The following ADCY2 variants were observed in gnomAD, a reference collection of about 807,000 sequenced individuals.
ADCY2 encodes adenylate cyclase type 2.
Under a neutral mutation model 125.2 loss-of-function variants are expected in ADCY2, and 31 were observed. The observed-to-expected ratio is 0.25, with a 90% CI of 0.19 to 0.33. The LOEUF (loss-of-function observed/expected upper bound fraction) is 0.33. Ranked by LOEUF, ADCY2 falls within the 10% of genes least tolerant of loss-of-function variation. The pLI is 1.00. For missense variants in ADCY2, 904 were observed against 1,418.2 expected (o/e 0.64, Z 5.82); for synonymous variants, 512 against 548.4 (o/e 0.93, Z 0.93).
At chr5:7,469,328 A>G (rs1173379906) in intron 2 of ADCY2, among the ~76,000 whole-genome samples, 1 of 151,972 alleles carries the variant, frequency 6.6e-6, no homozygotes, top group Non-Finnish European at 1.5e-5. Flanking sequence ...TGATCACAAA[A>G]TTTATTTATA....
chr5:7,415,384 C>G (rs1328868175), intron 2 of ADCY2, among the ~76,000 whole-genome samples: 8 of 152,142 alleles, frequency 5.3e-5, no homozygotes, highest in Admixed American at 5.2e-4. Context: ...CATACTGTCA[C>G]TTGTTTCGGA....
At chr5:7,618,727 T>C (rs563289908) in intron 3 of ADCY2, among the ~76,000 whole-genome samples, 24 of 152,320 alleles carry the variant, frequency 1.6e-4, no homozygotes, top group African/African-American at 5.8e-4. Context: ...CTGTCTAAAT[T>C]AATGAAAAGT....
intron 3 of ADCY2, among the ~76,000 whole-genome samples, chr5:7,572,790 A>T (rs543058942): frequency 6.6e-4 from 100 of 152,190 alleles, no homozygotes; most frequent in African/African-American, 2.3e-3. Flanking sequence ...TCTTTATTCC[A>T]TCTTGAGTTA....
chr5:7,787,858 G>A (rs557099168), intron 19 of ADCY2, among the ~76,000 whole-genome samples: 35 of 152,246 alleles, frequency 2.3e-4, no homozygotes, highest in Admixed American at 2.2e-3. Flanking sequence ...CAACATCCTA[G>A]CATGGCGCAT....
At chr5:7,810,290 A>G (rs538974939) in intron 22 of ADCY2, among the ~76,000 whole-genome samples, 2 of 140,536 alleles carry the variant, frequency 1.4e-5, no homozygotes, top group African/African-American at 5.3e-5. Flanking sequence ...ATCTGCTTGA[A>G]TGGTGGGTTA....
intron 2 of ADCY2, among the ~76,000 whole-genome samples, chr5:7,501,638 T>TCCCCCCCCCCCCCCCCCCCCCCCC (rs1491185696): frequency 3.6e-5 from 1 of 27,934 alleles, no homozygotes; most frequent in Non-Finnish European, 6.6e-5. Flanking sequence ...AAGAATGAGA[T>TCCCCCCCCCCCCCCCCCCCCCCCC]TCCCCCCTCC....
chr5:7,746,610 C>T (rs1742633703), intron 15 of ADCY2, among the ~76,000 whole-genome samples: 1 of 152,108 alleles, frequency 6.6e-6, no homozygotes, highest in Non-Finnish European at 1.5e-5. Context: ...AATAGCTTCC[C>T]AGTTGTGTAA....
chr5:7,685,678 A>G (rs1319641507), intron 4 of ADCY2, among the ~76,000 whole-genome samples: 2 of 152,218 alleles, frequency 1.3e-5, no homozygotes, highest in East Asian at 1.9e-4. Context: ...TTGGGAGAAC[A>G]GGGTGATGAA....
intron 2 of ADCY2, among the ~76,000 whole-genome samples, chr5:7,441,075 G>A (rs1395987401): frequency 6.6e-6 from 1 of 152,194 alleles, no homozygotes; most frequent in Non-Finnish European, 1.5e-5. Context: ...GTAGAGGGCA[G>A]GACGGTTTTG....
intron 2 of ADCY2, among the ~76,000 whole-genome samples, chr5:7,490,030 C>G (rs1409613039): frequency 6.6e-6 from 1 of 151,598 alleles, no homozygotes; most frequent in Non-Finnish European, 1.5e-5. Context: ...GAAGTAAAGA[C>G]TCTAAGGAAT....
Position 7,451,293 on chromosome 5 carries a change from C to T in ADCY2, c.408+36523C>T, listed in dbSNP as rs2126420181. Among the ~76,000 whole-genome samples, 4 of 152,320 alleles carry T rather than the reference C, an allele frequency of 2.6e-5. No homozygotes were observed. In the South Asian group the frequency reaches 8.3e-4, roughly 32 times the overall value. Reference sequence around the variant, plus strand: ...TGTTCATGGGAGGAAGTCAGAATGTCAACATTAACAGGATTTTGGAAGAAG... The same window carrying T: ...TGTTCATGGGAGGAAGTCAGAATGTTAACATTAACAGGATTTTGGAAGAAG... On this transcript the variant is annotated intron_variant, in intron 2 of 24. Coordinates refer to ENST00000338316, the MANE Select transcript of ADCY2 (RefSeq NM_020546.3).
intron 14 of ADCY2, among the ~76,000 whole-genome samples, chr5:7,741,733 A>C (rs200482654): frequency 1.7e-3 from 6 of 3,460 alleles, no homozygotes; most frequent in South Asian, 9.3e-3. Flanking sequence ...TATCATCATC[A>C]CCATCACCAT....
chr5:7,727,713 C>T (rs1741974953), intron 14 of ADCY2, among the ~76,000 whole-genome samples: 1 of 152,012 alleles, frequency 6.6e-6, no homozygotes, highest in South Asian at 2.1e-4. Context: ...TTACACGGCC[C>T]TCTCTTCTCT....
chr5:7,818,983 G>C (rs930991247), intron 23 of ADCY2, among the ~76,000 whole-genome samples: 2 of 152,194 alleles, frequency 1.3e-5, no homozygotes, highest in African/African-American at 4.8e-5. Context: ...ACATTAGGCC[G>C]TCTGCAAGCC....
At chr5:7,520,282 G>A (rs1038791539) in intron 2 of ADCY2, among the ~76,000 whole-genome samples, 6 of 152,112 alleles carry the variant, frequency 3.9e-5, no homozygotes, top group Admixed American at 6.5e-5. Flanking sequence ...CGTGCTCTCG[G>A]CATCTGCTTT....
chr5:7,810,050 C>T (rs1386483985), intron 22 of ADCY2, among the ~76,000 whole-genome samples: 4 of 152,214 alleles, frequency 2.6e-5, no homozygotes, highest in African/African-American at 9.6e-5. Context: ...CCCTCAAGAC[C>T]TCACTCTCTT....
chr5:7,706,309 C>G (rs1741263995), intron 7 of ADCY2, among the ~76,000 whole-genome samples: 1 of 152,182 alleles, frequency 6.6e-6, no homozygotes, highest in African/African-American at 2.4e-5. Context: ...CTATATTGTT[C>G]TCTTGTTAGC....
At chr5:7,549,615 G>T (rs995114396) in intron 3 of ADCY2, among the ~76,000 whole-genome samples, 2 of 152,198 alleles carry the variant, frequency 1.3e-5, no homozygotes, top group African/African-American at 4.8e-5. Context: ...ACTTGAATCT[G>T]AAGAGTTCTC....
intron 7 of ADCY2, among the ~76,000 whole-genome samples, chr5:7,702,101 G>T (rs1019307247): frequency 2.6e-5 from 4 of 152,046 alleles, no homozygotes; most frequent in Non-Finnish European, 5.9e-5. Flanking sequence ...CAATAAAATG[G>T]TTATTTTGGG....
Sources: gnomAD v4.1 joint callset for allele counts (sites outside exome capture counted in the v4.1 genomes callset) on GRCh38, gnomAD v4.1.1 for gene constraint, MANE v1.5 for transcripts, NCBI Gene and HGNC (gene_info 2026-07-23, HGNC 2026-07-21) for gene names.